Variants in TENM1 observed in about 807,000 individuals in gnomAD.
The protein encoded by TENM1 is teneurin transmembrane protein 1.
TENM1 carries 35 observed loss-of-function variants against 174.8 expected under a neutral mutation model. The observed-to-expected ratio is 0.20, with a 90% CI of 0.15 to 0.27. The LOEUF (loss-of-function observed/expected upper bound fraction) is 0.27. TENM1 is among the 10% of genes least tolerant of loss of function. The probability of loss-of-function intolerance (pLI) is 1.00; values close to 1 mark genes in which losing one functional copy is unlikely to be tolerated. For synonymous variants in TENM1, 781 were observed against 798.7 expected, an observed-to-expected ratio of 0.98 and a Z score of 0.37; for missense variants, 1,633 against 2,130.1, an observed-to-expected ratio of 0.77 and a Z score of 4.59.
chrX:124,955,879 A>T (rs1358379478), intron 1 of TENM1, among the ~76,000 whole-genome samples: 1 of 110,701 alleles, frequency 9.0e-6, no homozygotes, highest in Non-Finnish European at 1.9e-5. Context: ...ATCTGTCCAT[A>T]GTAGTTATGA....
chrX:125,188,587 T>C, the TENM1 span, among the ~76,000 whole-genome samples: 1 of 111,691 alleles, frequency 9.0e-6, no homozygotes, highest in Admixed American at 9.5e-5. Context: ...TTTTTACCAG[T>C]AAATCAAGAC....
At chrX:124,551,710 C>T (rs2048578478) in intron 14 of TENM1, among the ~76,000 whole-genome samples, 1 of 111,768 alleles carries the variant, frequency 8.9e-6, no homozygotes, top group South Asian at 3.7e-4. Flanking sequence ...AGGTTTTGTA[C>T]ACCATTTATA....
the TENM1 span, among the ~76,000 whole-genome samples, chrX:125,012,498 G>C: frequency 8.9e-6 from 1 of 111,798 alleles, no homozygotes; most frequent in Non-Finnish European, 1.9e-5. Flanking sequence ...ATTTAGCATC[G>C]TACTTTAGAA....
At chrX:124,960,955 C>T (rs1048151815) in intron 1 of TENM1, among the ~76,000 whole-genome samples, 5 of 111,662 alleles carry the variant, frequency 4.5e-5, no homozygotes, top group Non-Finnish European at 7.5e-5. Context: ...AAAATGAATT[C>T]CTTGAAAAGA....
the TENM1 span, among the ~76,000 whole-genome samples, chrX:125,037,970 A>G: frequency 3.6e-5 from 4 of 111,170 alleles, no homozygotes; most frequent in Non-Finnish European, 7.6e-5. Context: ...CCACATTCAC[A>G]GGTGACTTCT....
At chrX:124,868,825 T>C (rs962291004) in intron 3 of TENM1, among the ~76,000 whole-genome samples, 2 of 111,310 alleles carry the variant, frequency 1.8e-5, no homozygotes, top group Non-Finnish European at 3.8e-5. Flanking sequence ...GCAAAAGATT[T>C]GAATAGACAT....
chrX:124,492,355 T>C (rs1348306388), intron 20 of TENM1, among the ~76,000 whole-genome samples: 2 of 111,679 alleles, frequency 1.8e-5, no homozygotes, highest in Non-Finnish European at 3.8e-5. Flanking sequence ...AACATTATGG[T>C]TCTTAAGATA....
chrX:124,574,088 C>T (rs1188597010), intron 11 of TENM1, among the ~76,000 whole-genome samples: 1 of 111,765 alleles, frequency 8.9e-6, no homozygotes, highest in Admixed American at 9.5e-5. Flanking sequence ...TGGAAAAGAA[C>T]ATGAAAAATA....
intron 11 of TENM1, among the ~76,000 whole-genome samples, chrX:124,588,291 C>T (rs1297324592): frequency 9.0e-6 from 1 of 111,169 alleles, no homozygotes; most frequent in Non-Finnish European, 1.9e-5. Context: ...GGAACCAACC[C>T]AAATGTCCAA....
chrX:124,830,869 G>A lies in TENM1; in HGVS notation c.535+63427C>T, dbSNP rs181509381. Among the ~76,000 whole-genome samples the A allele has an allele frequency of 3.8e-3, 422 of 112,074 alleles. 1 individual carries two copies. The highest frequency in any genetic ancestry group is 0.013 in the African/African-American group (389 of 30,853). On this transcript the variant is annotated intron_variant, in intron 3 of 31. Transcript: ENST00000422452. ...CACTGAACTCCACAAAACCTCTGCA[G>A]GGGGGCTAAGAGCATCACATATATG...
At chrX:124,614,815 G>A (rs1028485930) in intron 11 of TENM1, among the ~76,000 whole-genome samples, 6 of 112,274 alleles carry the variant, frequency 5.3e-5, no homozygotes, top group Non-Finnish European at 9.4e-5. Flanking sequence ...CCCAGGAGGT[G>A]GAGATTGCAG....
In TENM1 at chrX:124,849,433, C is replaced by T. The variant is rs189714912; in HGVS notation, c.535+44863G>A. Among the ~76,000 whole-genome samples the T allele has an allele frequency of 4.2e-4, 43 of 102,105 alleles. 2 individuals are homozygous for T. The highest frequency in any genetic ancestry group is 1.9e-3 in the African/African-American group (42 of 22,452). The allele number at this position is 102,105 out of a possible 115,157, so 88.7% of individuals were successfully genotyped here. ...TCTCTCTTTCTTTTTTTCTCTCTCT[C>T]TCTCTCTCTGTTGCTGGCTTAGACA... On this transcript the variant is annotated intron_variant, in intron 3 of 31. Coordinates refer to ENST00000422452, the Ensembl canonical transcript of TENM1.
At chrX:124,874,501 G>A (rs967614856) in intron 3 of TENM1, among the ~76,000 whole-genome samples, 3 of 109,458 alleles carry the variant, frequency 2.7e-5, no homozygotes, top group Non-Finnish European at 5.7e-5. Context: ...GACTGTCTCT[G>A]TATGCTACAC....
At chrX:124,841,112 C>T (rs193077103) in intron 3 of TENM1, among the ~76,000 whole-genome samples, 11 of 111,457 alleles carry the variant, frequency 9.9e-5, no homozygotes, top group Non-Finnish European at 1.7e-4. Context: ...AAGAGTAAAA[C>T]CTTGTCATGT....
intron 22 of TENM1, among the ~76,000 whole-genome samples, chrX:124,474,533 A>G (rs1369693864): frequency 8.9e-6 from 1 of 112,050 alleles, no homozygotes; most frequent in Non-Finnish European, 1.9e-5. Context: ...TTAATAATGC[A>G]TCTGTGGCTT....
intron 5 of TENM1, among the ~76,000 whole-genome samples, chrX:124,674,598 T>A (rs2052017898): frequency 9.0e-6 from 1 of 111,561 alleles, no homozygotes; most frequent in African/African-American, 3.3e-5. Context: ...GCCTGATGAA[T>A]TTCTCTTGCA....
At chrX:124,827,024 A>T (rs1229271716) in intron 3 of TENM1, among the ~76,000 whole-genome samples, 3 of 112,035 alleles carry the variant, frequency 2.7e-5, no homozygotes, top group Non-Finnish European at 5.6e-5. Context: ...GAACTTGCTA[A>T]AACTTTTAGG....
At chrX:124,592,187 A>G (rs775911149) in intron 11 of TENM1, among the ~76,000 whole-genome samples, 1 of 111,443 alleles carries the variant, frequency 9.0e-6, no homozygotes, top group Non-Finnish European at 1.9e-5. Flanking sequence ...CTTGGATCTC[A>G]TTGAGCTTCT....
At chrX:124,478,067 G>C (rs1421846375) in intron 22 of TENM1, among the ~76,000 whole-genome samples, 1 of 112,245 alleles carries the variant, frequency 8.9e-6, no homozygotes, top group Non-Finnish European at 1.9e-5. Context: ...ACAAGTTATA[G>C]TTACAGTTAT....
Sources: gnomAD v4.1 joint callset for allele counts (sites outside exome capture counted in the v4.1 genomes callset) on GRCh38, gnomAD v4.1.1 for gene constraint, MANE v1.5 for transcripts, NCBI Gene and HGNC (gene_info 2026-07-23, HGNC 2026-07-21) for gene names.